The following PTBP2 variants were observed in gnomAD, a reference collection of about 807,000 sequenced individuals.
The protein encoded by PTBP2 is polypyrimidine tract-binding protein 2.
Under a neutral mutation model 61.4 loss-of-function variants are expected in PTBP2, and 13 were observed. The ratio of observed to expected loss-of-function variants is 0.21; its 90% CI spans 0.14 to 0.34. PTBP2 has a LOEUF of 0.34. Among genes scored for constraint, PTBP2 ranks in the 10% least tolerant of loss-of-function variants. PTBP2 has a pLI of 1.00. For synonymous variants in PTBP2, 215 were observed against 218.5 expected, an observed-to-expected ratio of 0.98 and a Z score of 0.14; for missense variants, 405 against 642.6, an observed-to-expected ratio of 0.63 and a Z score of 4.00.
downstream of PTBP2, chr1:96,815,986 T>C (rs896225394): frequency 2.0e-5 from 3 of 152,198 alleles, no homozygotes; most frequent in Non-Finnish European, 2.9e-5. Context: ...GGCTATAATA[T>C]TTGAAAGTAG....
chr1:96,744,727 A>G (rs1653516770), intron 2 of PTBP2, among the ~76,000 whole-genome samples: 1 of 152,138 alleles, frequency 6.6e-6, no homozygotes, highest in South Asian at 2.1e-4. Context: ...TTTTGTGTAC[A>G]TTGTTTATAA....
At chr1:96,747,207 T>G (rs273880) in intron 2 of PTBP2, among the ~76,000 whole-genome samples, 1 of 151,738 alleles carries the variant, frequency 6.6e-6, no homozygotes, top group Non-Finnish European at 1.5e-5. Flanking sequence ...TATGATCCCA[T>G]TCTTTACACA....
At chr1:96,780,149 G>C (rs1006357436) in intron 7 of PTBP2, among the ~76,000 whole-genome samples, 2 of 151,978 alleles carry the variant, frequency 1.3e-5, no homozygotes, top group Non-Finnish European at 2.9e-5. Flanking sequence ...TAGATGTTTA[G>C]TTATCTAAGA....
In PTBP2 at chr1:96,791,983, G is replaced by A. The variant is rs1393676257; in HGVS notation, c.904+6729G>A. Among the ~76,000 whole-genome samples the A allele has an allele frequency of 4.6e-5, 7 of 151,808 alleles. No individual in the cohort carries two copies. In the East Asian group the frequency reaches 9.7e-4, roughly 21 times the overall value. ...CAAGTAGCTGGGACTACAGGCGCAC[G>A]CCACCACGCCCAGCTAATTTCTTCA... On this transcript the variant is annotated intron_variant, in intron 8 of 13. Coordinates refer to ENST00000674951, the MANE Select transcript of PTBP2 (RefSeq NM_021190.4).
chr1:96,806,774 G>A (rs1358283311), intron 10 of PTBP2, 92 bp from the exon 11 acceptor site: 4 of 895,180 alleles, frequency 4.5e-6, no homozygotes, highest in African/African-American at 3.4e-5. Flanking sequence ...ATGTCTGAAT[G>A]TTTCATTGAT....
intron 3 of PTBP2, among the ~76,000 whole-genome samples, chr1:96,766,285 T>A (rs1656692762): frequency 6.6e-6 from 1 of 152,236 alleles, no homozygotes; most frequent in Admixed American, 6.5e-5. Flanking sequence ...TGCTTAAAGA[T>A]TTTTTACATT....
intron 3 of PTBP2, among the ~76,000 whole-genome samples, chr1:96,754,784 C>T (rs1403213092): frequency 6.6e-6 from 1 of 152,112 alleles, no homozygotes; most frequent in Non-Finnish European, 1.5e-5. Context: ...AAGGGTGCTA[C>T]AGCAGTTGGA....
intron 8 of PTBP2, among the ~76,000 whole-genome samples, chr1:96,792,900 T>C (rs2101112029): frequency 6.6e-6 from 1 of 152,240 alleles, no homozygotes; most frequent in South Asian, 2.1e-4. Context: ...ACTGCAGACA[T>C]ATTTGAAAGC....
chr1:96,723,871 A>G (rs2100768522), intron 2 of PTBP2, among the ~76,000 whole-genome samples: 1 of 152,260 alleles, frequency 6.6e-6, no homozygotes, highest in South Asian at 2.1e-4. Flanking sequence ...ATAAAACGAT[A>G]CCCCAATTTT....
chr1:96,730,519 T>C (rs563905938), intron 2 of PTBP2, among the ~76,000 whole-genome samples: 8 of 152,252 alleles, frequency 5.3e-5, no homozygotes, highest in Non-Finnish European at 8.8e-5. Context: ...CTTTCTGTTA[T>C]GTATTCATAA....
intron 8 of PTBP2, among the ~76,000 whole-genome samples, chr1:96,789,267 C>G (rs528251958): frequency 6.6e-6 from 1 of 152,178 alleles, no homozygotes; most frequent in Admixed American, 6.5e-5. Flanking sequence ...AGCAGACTTT[C>G]TGTAGGAAAT....
At chr1:96,773,950 G>T (rs1033875797) in intron 5 of PTBP2, among the ~76,000 whole-genome samples, 1 of 140,240 alleles carries the variant, frequency 7.1e-6, no homozygotes, top group East Asian at 2.2e-4. Context: ...GCGACAGAGC[G>T]AGACTCTGTC....
intron 5 of PTBP2, among the ~76,000 whole-genome samples, chr1:96,773,123 C>T (rs376035622): frequency 0.018 from 1,582 of 88,340 alleles, 99 homozygotes; most frequent in African/African-American, 0.073. Flanking sequence ...GACTCTATCT[C>T]AAAAAAAAAA....
At chr1:96,753,040 T>C (rs1654758380) in intron 3 of PTBP2, among the ~76,000 whole-genome samples, 2 of 152,122 alleles carry the variant, frequency 1.3e-5, no homozygotes, top group African/African-American at 4.8e-5. Context: ...TTGGAATTTA[T>C]GGAGAAGTCC....
intron 2 of PTBP2, among the ~76,000 whole-genome samples, chr1:96,734,377 C>A (rs1651859671): frequency 6.6e-6 from 1 of 151,994 alleles, no homozygotes; most frequent in South Asian, 2.1e-4. Flanking sequence ...TGTTAGGACA[C>A]ACACACAAAG....
At chr1:96,787,096 CT>C (rs1314587250) in intron 8 of PTBP2, among the ~76,000 whole-genome samples, 1 of 152,172 alleles carries the variant, frequency 6.6e-6, no homozygotes, top group Non-Finnish European at 1.5e-5. Flanking sequence ...TCTCGGCTCA[CT>C]GCAACTTCCG....
chr1:96,784,880 T>C, intron 7 of PTBP2, 179 bp from the exon 8 acceptor site: 1 of 501,196 alleles, frequency 2.0e-6, no homozygotes, highest in Non-Finnish European at 3.4e-6. Flanking sequence ...AGATAATATT[T>C]GGGGGAAAGT....
At chr1:96,780,582 T>C (rs1201691876) in intron 7 of PTBP2, among the ~76,000 whole-genome samples, 1 of 152,038 alleles carries the variant, frequency 6.6e-6, no homozygotes, top group Non-Finnish European at 1.5e-5. Flanking sequence ...ACCATTGTCT[T>C]AAAATTCTCT....
intron 3 of PTBP2, among the ~76,000 whole-genome samples, chr1:96,761,345 G>GGT (rs1557720471): frequency 5.2e-4 from 42 of 80,854 alleles, no homozygotes; most frequent in African/African-American, 1.6e-3. Context: ...TGTGGGATTT[G>GGT]ATGTGTGTGT....
Sources: gnomAD v4.1 joint callset for allele counts (sites outside exome capture counted in the v4.1 genomes callset) on GRCh38, gnomAD v4.1.1 for gene constraint, MANE v1.5 for transcripts, NCBI Gene and HGNC (gene_info 2026-07-23, HGNC 2026-07-21) for gene names.